CAMKK1: variants seen among roughly 807,000 people sequenced by gnomAD.
CAMKK1 encodes calcium/calmodulin dependent protein kinase kinase 1, also known as calcium/calmodulin-dependent protein kinase kinase 1.
A neutral mutation model predicts 63.5 loss-of-function variants in CAMKK1; 20 were observed. The ratio of observed to expected loss-of-function variants is 0.32; its 90% CI spans 0.22 to 0.46. The LOEUF (loss-of-function observed/expected upper bound fraction) is 0.46, where lower values mean the gene tolerates loss of function less well. Among genes scored for constraint, CAMKK1 ranks in the 20% least tolerant of loss-of-function variants. CAMKK1 has a pLI of 1.00. For synonymous variants in CAMKK1, 253 were observed against 269.0 expected, an observed-to-expected ratio of 0.94 and a Z score of 0.58; for missense variants, 588 against 658.1, an observed-to-expected ratio of 0.89 and a Z score of 1.17.
In CAMKK1 at chr17:3,892,762, C is replaced by G. The variant is rs985134542; in HGVS notation, c.-44+177G>C. Among the ~76,000 whole-genome samples, 2 of 152,104 alleles carry G rather than the reference C, an allele frequency of 1.3e-5. No individual in the cohort carries two copies. The highest frequency in any genetic ancestry group is 2.9e-5 in the Non-Finnish European group (2 of 68,008). ...GACCCGAGCAGACTCCGCGAGGCACCCCGCAGACCCGGCCCCGCAGACAGA... is the reference window on the plus strand; with the variant it reads ...GACCCGAGCAGACTCCGCGAGGCACGCCGCAGACCCGGCCCCGCAGACAGA... On this transcript the variant is annotated intron_variant, in intron 1 of 15. Transcript: ENST00000348335. This position sits in a 1 kb window ranked among gnomAD's most constrained non-coding sequence, Gnocchi z 7.5.
intron 1 of CAMKK1, among the ~76,000 whole-genome samples, chr17:3,888,477 C>T (rs879312406): frequency 1.3e-5 from 2 of 152,236 alleles, no homozygotes; most frequent in Admixed American, 6.5e-5. Flanking sequence ...CAGGTGGCTT[C>T]GCCTCTGTGC....
chr17:3,865,898 C>G lies in CAMKK1; in HGVS notation c.1445+10G>C, dbSNP rs1232645122. On this transcript the variant is annotated intron_variant, in intron 15 of 15. Coordinates refer to ENST00000348335, the MANE Select transcript of CAMKK1 (RefSeq NM_032294.3). ...GAGTGCCCGGCAGTCCCTGGCCCAC[C>G]AGTACTTACACCAGTAGGTTTCCTG... The G allele has an allele frequency of 6.2e-7, 1 of 1,614,082 alleles. No homozygotes were observed.
chr17:3,877,104 G>C (rs1007417696), intron 9 of CAMKK1, among the ~76,000 whole-genome samples: 2 of 152,120 alleles, frequency 1.3e-5, no homozygotes, highest in African/African-American at 4.8e-5. Flanking sequence ...CCCTGTGAGT[G>C]CCGTCTGCAG....
intron 15 of CAMKK1, 181 bp downstream of exon 15, chr17:3,865,727 G>T: frequency 1.4e-6 from 2 of 1,426,394 alleles, no homozygotes; most frequent in East Asian, 2.5e-5. Context: ...GGGCCCAAAA[G>T]GTCCCTTCTA....
rs1047366875 is a variant in CAMKK1, at chr17:3,892,983, C to T, written c.-88G>A. On this transcript the variant is annotated 5_prime_UTR_variant, in exon 1 of 16. It adds an upstream start codon to the 5' untranslated region. Transcript: ENST00000348335. This position sits in a 1 kb window ranked among gnomAD's most constrained non-coding sequence, Gnocchi z 7.5. ...GTCCGCGGCCCGGCGGGCGGCCCCA[C>T]TCGCTCCTGCTGCGCGCCCCGCCCC... 2 of 150,012 alleles carry T rather than the reference C, an allele frequency of 1.3e-5. No individual in the cohort carries two copies. The highest frequency in any genetic ancestry group is 4.9e-5 in the African/African-American group (2 of 41,060). The allele number at this position is 150,012 out of a possible 1,614,324, so 9.3% of individuals were successfully genotyped here.
chr17:3,876,642 A>C (rs972508608), intron 9 of CAMKK1, among the ~76,000 whole-genome samples: 1 of 152,022 alleles, frequency 6.6e-6, no homozygotes, highest in Non-Finnish European at 1.5e-5. Flanking sequence ...CTGGAATCTT[A>C]GGAGTCTTTG....
Position 3,890,788 on chromosome 17 carries a change from C to T in CAMKK1, c.-44+2151G>A. 1.3e-6 allele frequency: 1 copy of T among 779,748 alleles called. No individual in the cohort carries two copies. Among genetic ancestry groups the T allele is most frequent in the Non-Finnish European group, 2.4e-6 (1 of 417,948 alleles). The allele number at this position is 779,748 out of a possible 1,614,324, so 48.3% of individuals were successfully genotyped here. ...TGTGCCTTCTGCCAGGAACACACCT[C>T]CCTCTCCTCTGCTGCCTGGAGGACA... On this transcript the variant is annotated intron_variant, in intron 1 of 15. Transcript: ENST00000348335. The surrounding 1 kb of genome is among the most constrained non-coding windows in gnomAD (Gnocchi z 6.5).
intron 11 of CAMKK1, among the ~76,000 whole-genome samples, 181 bp downstream of exon 11, chr17:3,873,228 G>A (rs1367869826): frequency 2.6e-5 from 4 of 152,212 alleles, no homozygotes; most frequent in Admixed American, 1.3e-4. Flanking sequence ...CGACTCCTTC[G>A]CGAGAATCGC....
chr17:3,883,566 G>GT lies in CAMKK1; in HGVS notation c.463-87_463-86insA. On this transcript the variant is annotated intron_variant, in intron 4 of 15. Coordinates refer to ENST00000348335, the MANE Select transcript of CAMKK1 (RefSeq NM_032294.3). The surrounding 1 kb of genome is among the most constrained non-coding windows in gnomAD (Gnocchi z 4.7). ...GTACATGTGGACTGAGGTCCGGAGA[G>GT]GCACACTGGACATCTGCTACTGGCC... 2.7e-6 allele frequency: 3 copies of GT among 1,093,132 alleles called. No homozygotes were observed. Among genetic ancestry groups the GT allele is most frequent in the Non-Finnish European group, 4.3e-6 (3 of 705,758 alleles). The allele number at this position is 1,093,132 out of a possible 1,614,324, so 67.7% of individuals were successfully genotyped here. A position where few individuals can be genotyped will look rare whatever the true frequency, so the allele number is the denominator to read the frequency against.
rs779160650 is a variant in CAMKK1, at chr17:3,862,174, A to G, written c.*37T>C. 1 of 1,540,806 alleles carries G rather than the reference A, an allele frequency of 6.5e-7. No homozygotes were observed. The highest frequency in any genetic ancestry group is 1.2e-5 in the South Asian group (1 of 84,632). The stretch of plus-strand genomic sequence containing the variant: ...GGTGGGCCTCTGGAGGCGCGGGATG[A>G]GTGTGCTGCCGGGTGGCCCTGGGTG... On this transcript the variant is annotated 3_prime_UTR_variant, in exon 16 of 16. Coordinates refer to ENST00000348335, the MANE Select transcript of CAMKK1 (RefSeq NM_032294.3). The surrounding 1 kb of genome is among the most constrained non-coding windows in gnomAD (Gnocchi z 4.1).
At chr17:3,877,051 C>A (rs2055197890) in intron 9 of CAMKK1, among the ~76,000 whole-genome samples, 1 of 152,296 alleles carries the variant, frequency 6.6e-6, no homozygotes, top group South Asian at 2.1e-4. Context: ...AGCCACCGCC[C>A]CCAGCTGGGA....
rs561468081 is a variant in CAMKK1 at position 3,866,064 on chromosome 17, C to T, written c.1342-53G>A. On this transcript the variant is annotated intron_variant, in intron 14 of 15. Coordinates refer to ENST00000348335, the MANE Select transcript of CAMKK1 (RefSeq NM_032294.3). ...CACAGGTCCCAGGCTCCCAGACACG[C>T]AGCCTCTGCTCCGATTCCCCGAGAG... is the stretch of plus-strand genomic sequence containing the variant. 4.0e-5 allele frequency: 63 copies of T among 1,592,176 alleles called. No individual in the cohort carries two copies. In the African/African-American group the frequency reaches 5.6e-4, roughly 14 times the overall value.
intron 12 of CAMKK1, among the ~76,000 whole-genome samples, chr17:3,871,861 G>T (rs527895320): frequency 6.6e-6 from 1 of 151,242 alleles, no homozygotes; most frequent in South Asian, 2.1e-4. Flanking sequence ...GGCCAGGCTG[G>T]TCTCTAACTC....
chr17:3,880,404 G>T lies in CAMKK1; in HGVS notation c.738C>A (p.Pro246=), dbSNP rs1458031044. 6.2e-7 allele frequency: 1 copy of T among 1,614,026 alleles called. No homozygotes were observed. Among genetic ancestry groups the T allele is most frequent in the East Asian group, 2.2e-5 (1 of 44,880 alleles). The part of the protein sequence containing the change: ...GPVMEVPCDK[P]FSEEQARLYL... Reference sequence around the variant, plus strand: ...AGAGGCGAGCTTGCTCCTCCGAGAAGGGCTTGTCACAGGGCACTTCCATGA... The same window carrying T: ...AGAGGCGAGCTTGCTCCTCCGAGAATGGCTTGTCACAGGGCACTTCCATGA... The change falls in exon 9 of 16, where the codon CCC becomes CCA. Residue 246 remains proline (P), a synonymous_variant. Transcript: ENST00000348335.
Position 3,882,106 on chromosome 17 carries a change from T to C in CAMKK1, c.685+422A>G, listed in dbSNP as rs2080318267. ...ATAACATTACTATTAACAAGGATAA[T>C]AACGAATGTGCTTTACATATAATTA... is the stretch of plus-strand genomic sequence containing the variant. On this transcript the variant is annotated intron_variant, in intron 7 of 15. Transcript: ENST00000348335. The surrounding 1 kb of genome is among the most constrained non-coding windows in gnomAD (Gnocchi z 4.3). 10 of 590,500 alleles carry C rather than the reference T, an allele frequency of 1.7e-5. No homozygotes were observed. The South Asian group carries it at 2.0e-4, about 12-fold the overall frequency. The allele number at this position is 590,500 out of a possible 1,614,324, so 36.6% of individuals were successfully genotyped here.
chr17:3,867,958 T>C (rs969068908), intron 14 of CAMKK1, among the ~76,000 whole-genome samples: 9 of 145,806 alleles, frequency 6.2e-5, no homozygotes, highest in East Asian at 2.0e-4. Flanking sequence ...CACTGTCTAA[T>C]GGATACGCAG....
chr17:3,887,988 T>C lies in CAMKK1; in HGVS notation c.-43-2258A>G, dbSNP rs2055730229. On this transcript the variant is annotated intron_variant, in intron 1 of 15. Coordinates refer to ENST00000348335, the MANE Select transcript of CAMKK1 (RefSeq NM_032294.3). This position sits in a 1 kb window ranked among gnomAD's most constrained non-coding sequence, Gnocchi z 6.1. The stretch of plus-strand genomic sequence containing the variant: ...TCAGTGCCTGGCATGTGATAGGAAC[T>C]CGATAAATATTTGTTGAATAAATGA... Among the ~76,000 whole-genome samples the C allele has an allele frequency of 6.6e-6, 1 of 152,162 alleles. No homozygotes were observed. Among genetic ancestry groups the C allele is most frequent in the African/African-American group, 2.4e-5 (1 of 41,436 alleles).
intron 1 of CAMKK1, among the ~76,000 whole-genome samples, chr17:3,891,385 A>G (rs2055897274): frequency 6.6e-6 from 1 of 152,214 alleles, no homozygotes; most frequent in South Asian, 2.1e-4. Flanking sequence ...ATCAAGAGAA[A>G]GGGGCTGGGA....
rs1263743877 is a variant in CAMKK1 at position 3,892,890 on chromosome 17, C to T, written c.-44+49G>A. 1 of 151,170 alleles carries T rather than the reference C, an allele frequency of 6.6e-6. No individual in the cohort carries two copies. Among genetic ancestry groups the T allele is most frequent in the Non-Finnish European group, 1.5e-5 (1 of 67,380 alleles). The allele number at this position is 151,170 out of a possible 1,614,324, so 9.4% of individuals were successfully genotyped here. A position where few individuals can be genotyped will look rare whatever the true frequency, so the allele number is the denominator to read the frequency against. On this transcript the variant is annotated intron_variant, in intron 1 of 15. Transcript: ENST00000348335. This position sits in a 1 kb window ranked among gnomAD's most constrained non-coding sequence, Gnocchi z 7.5. ...TGCAGGCTCGGGGCAGGTGTTAAGG[C>T]GTTCGTCCTCCTGCTCCTCGCCCGC...
Sources: gnomAD v4.1 joint callset for allele counts (sites outside exome capture counted in the v4.1 genomes callset) on GRCh38, gnomAD v4.1.1 for gene constraint, Gnocchi (gnomAD v3.1) non-coding constraint, MANE v1.5 for transcripts, NCBI Gene and HGNC (gene_info 2026-07-23, HGNC 2026-07-21) for gene names.